Variants in CDK8 observed in about 807,000 individuals in gnomAD.
CDK8 encodes cyclin dependent kinase 8, also known as cyclin-dependent kinase 8.
A neutral mutation model predicts 71.5 loss-of-function variants in CDK8; 29 were observed. The observed-to-expected ratio is 0.41, with a 90% confidence interval of 0.30 to 0.55. The LOEUF (loss-of-function observed/expected upper bound fraction) is 0.55. CDK8 is among the 20% of genes least tolerant of loss of function. CDK8 has a pLI of 0.37. For synonymous variants in CDK8, 161 were observed against 192.1 expected, an observed-to-expected ratio of 0.84 and a Z score of 1.34; for missense variants, 288 against 572.6, an observed-to-expected ratio of 0.50 and a Z score of 5.07.
intron 12 of CDK8, among the ~76,000 whole-genome samples, chr13:26,402,840 T>A (rs757611307): frequency 2.0e-5 from 3 of 152,240 alleles, no homozygotes; most frequent in Non-Finnish European, 2.9e-5. Flanking sequence ...GCTGCTTTGT[T>A]GGTGTGATTG....
chr13:26,272,835 C>G (rs1221361422), intron 1 of CDK8, among the ~76,000 whole-genome samples: 3 of 152,146 alleles, frequency 2.0e-5, no homozygotes, highest in African/African-American at 7.2e-5. Context: ...TTTTTCAGCT[C>G]TATTTTAATC....
At chr13:26,285,409 A>G (rs1219516397) in intron 1 of CDK8, among the ~76,000 whole-genome samples, 1 of 152,202 alleles carries the variant, frequency 6.6e-6, no homozygotes, top group Non-Finnish European at 1.5e-5. Flanking sequence ...ACAAAAATCA[A>G]AGATCGTATC....
At chr13:26,360,795 A>G (rs1034938635) in intron 4 of CDK8, among the ~76,000 whole-genome samples, 1 of 152,220 alleles carries the variant, frequency 6.6e-6, no homozygotes, top group Non-Finnish European at 1.5e-5. Flanking sequence ...CTACAGACAC[A>G]TGCATATCCT....
intron 4 of CDK8, among the ~76,000 whole-genome samples, chr13:26,366,782 G>T (rs1874408065): frequency 6.6e-6 from 1 of 152,128 alleles, no homozygotes; most frequent in Admixed American, 6.5e-5. Context: ...TAAAAACATA[G>T]AAGTTGGGAA....
Position 26,274,237 on chromosome 13 carries a change from T to C in CDK8, c.128+19468T>C, listed in dbSNP as rs1292484220. 2.0e-5 allele frequency among the ~76,000 whole-genome samples: 3 copies of C among 152,168 alleles called. No homozygotes were observed. In the East Asian group the frequency reaches 5.8e-4, roughly 29 times the overall value. ...ATGTCTTTCATAATGACAAAAGTAA[T>C]GTTTGCCTCCTCCTTGATCAATAGT... is the stretch of plus-strand genomic sequence containing the variant. On this transcript the variant is annotated intron_variant, in intron 1 of 12. Coordinates refer to ENST00000381527, the MANE Select transcript of CDK8 (RefSeq NM_001260.3).
rs115257161 is a variant in CDK8 at position 26,259,693 on chromosome 13, G to T, written c.128+4924G>T. ...ATGCTTAAATTTCATTTTTTTAGTA[G>T]CAATACTGGAAAATCAATTCATTTG... On this transcript the variant is annotated intron_variant, in intron 1 of 12. Transcript: ENST00000381527. 8.0e-3 allele frequency among the ~76,000 whole-genome samples: 1,216 copies of T among 152,214 alleles called. 26 individuals are homozygous for T. The highest frequency in any genetic ancestry group is 0.026 in the African/African-American group (1,094 of 41,532).
Position 26,393,383 on chromosome 13 carries a change from G to C in CDK8, c.663G>C (p.Gly221=). ...YTKAIDIWAI[G]CIFAELLTSE... is the part of the protein sequence containing the mutation. ...GTTTTAAAGATATTTGGGCTATAGG[G>C]TGTATATTTGCAGAACTACTAACGT... is the stretch of plus-strand genomic sequence containing the variant. Residue 221 remains glycine (G), a synonymous_variant, in exon 7 of 13, where the codon GGG becomes GGC. Transcript: ENST00000381527. The C allele has an allele frequency of 1.2e-6, 2 of 1,601,912 alleles. No homozygotes were observed. Among genetic ancestry groups the C allele is most frequent in the Non-Finnish European group, 1.7e-6 (2 of 1,171,676 alleles).
chr13:26,309,874 C>T (rs901970109), intron 1 of CDK8, among the ~76,000 whole-genome samples: 1 of 152,104 alleles, frequency 6.6e-6, no homozygotes, highest in Admixed American at 6.5e-5. Context: ...GTACCCTCAG[C>T]CTCCCAGGTA....
chr13:26,275,844 A>T (rs1020826286), intron 1 of CDK8, among the ~76,000 whole-genome samples: 3 of 152,078 alleles, frequency 2.0e-5, no homozygotes, highest in Admixed American at 6.6e-5. Context: ...CCACTTGAGG[A>T]AACTTTGGTG....
chr13:26,397,062 A>G (rs1876029394), intron 8 of CDK8, 91 bp from the exon 9 acceptor site: 1 of 735,924 alleles, frequency 1.4e-6, no homozygotes, highest in African/African-American at 1.8e-5. Flanking sequence ...TATATCGGTT[A>G]TGATCAAAAT....
At chr13:26,355,553 G>T (rs1021051409) in intron 4 of CDK8, among the ~76,000 whole-genome samples, 2 of 152,198 alleles carry the variant, frequency 1.3e-5, no homozygotes, top group African/African-American at 4.8e-5. Flanking sequence ...AGCTGAGGTT[G>T]CAGTGAGCCA....
At chr13:26,314,404 A>G (rs772007189) in intron 1 of CDK8, among the ~76,000 whole-genome samples, 24 of 152,252 alleles carry the variant, frequency 1.6e-4, no homozygotes, top group Non-Finnish European at 2.6e-4. Context: ...ACATTAAAAT[A>G]CAAGTTAACT....
At chr13:26,348,282 T>C (rs1429341328) in intron 2 of CDK8, among the ~76,000 whole-genome samples, 5 of 151,852 alleles carry the variant, frequency 3.3e-5, no homozygotes, top group Non-Finnish European at 7.4e-5. Context: ...AAAAAGGCGG[T>C]GGGATTATTG....
intron 1 of CDK8, among the ~76,000 whole-genome samples, chr13:26,290,893 G>T (rs1873265031): frequency 1.3e-5 from 2 of 152,032 alleles, no homozygotes; most frequent in South Asian, 4.1e-4. Flanking sequence ...GAGGCAGGTG[G>T]ATCATGAGGT....
At chr13:26,380,274 G>C (rs1214703856) in intron 4 of CDK8, among the ~76,000 whole-genome samples, 1 of 152,178 alleles carries the variant, frequency 6.6e-6, no homozygotes, top group Admixed American at 6.5e-5. Flanking sequence ...CCGCCTCCCA[G>C]GTTCAAGTGA....
At position 26,367,400 on chromosome 13, in the gene CDK8, T is replaced by A. The variant is rs191866678; in HGVS notation, c.456+13520T>A. On this transcript the variant is annotated intron_variant, in intron 4 of 12. Coordinates refer to ENST00000381527, the MANE Select transcript of CDK8 (RefSeq NM_001260.3). ...TCCTTGAATAATTTTTTTTTTTTAA[T>A]CAGCATGGGCCAAAGAGGAAAAATT... Among the ~76,000 whole-genome samples the A allele has an allele frequency of 6.9e-3, 1,047 of 152,006 alleles. 9 individuals carry two copies. The highest frequency in any genetic ancestry group is 0.011 in the Non-Finnish European group (764 of 67,952).
chr13:26,267,790 G>C lies in CDK8; in HGVS notation c.128+13021G>C, dbSNP rs548953934. ...CGTCTGTCTTTGTATACAACATGCTGTCAGATGGAGGTAGAACTTCCCAGG... is the reference window on the plus strand; with the variant it reads ...CGTCTGTCTTTGTATACAACATGCTCTCAGATGGAGGTAGAACTTCCCAGG... On this transcript the variant is annotated intron_variant, in intron 1 of 12. Transcript: ENST00000381527. Among the ~76,000 whole-genome samples, 4 of 152,312 alleles carry C rather than the reference G, an allele frequency of 2.6e-5. No homozygotes were observed. In the South Asian group the frequency reaches 6.2e-4, roughly 24 times the overall value.
chr13:26,326,378 T>C (rs571927908), intron 1 of CDK8, among the ~76,000 whole-genome samples: 2 of 152,298 alleles, frequency 1.3e-5, no homozygotes, highest in Admixed American at 6.5e-5. Flanking sequence ...TAAGGTCTTA[T>C]AGGTATCGTT....
At chr13:26,375,580 A>C (rs1874907282) in intron 4 of CDK8, among the ~76,000 whole-genome samples, 1 of 152,216 alleles carries the variant, frequency 6.6e-6, no homozygotes, top group Non-Finnish European at 1.5e-5. Flanking sequence ...TTGTCCTAAA[A>C]ATATACCACA....
Sources: gnomAD v4.1 joint callset for allele counts (sites outside exome capture counted in the v4.1 genomes callset) on GRCh38, gnomAD v4.1.1 for gene constraint, MANE v1.5 for transcripts, NCBI Gene and HGNC (gene_info 2026-07-23, HGNC 2026-07-21) for gene names.